CPEB4: variants seen among roughly 807,000 people sequenced by gnomAD.
CPEB4 encodes the protein cytoplasmic polyadenylation element-binding protein 4.
CPEB4 carries 12 observed loss-of-function variants against 72.5 expected under a neutral mutation model. The observed-to-expected ratio is 0.17, with a 90% CI of 0.11 to 0.27. CPEB4 has a LOEUF of 0.27. CPEB4 is among the 10% of genes least tolerant of loss of function. The probability of loss-of-function intolerance (pLI) is 1.00; values close to 1 mark genes in which losing one functional copy is unlikely to be tolerated. For synonymous variants in CPEB4, 302 were observed against 326.3 expected, an observed-to-expected ratio of 0.93 and a Z score of 0.80; for missense variants, 614 against 908.5, an observed-to-expected ratio of 0.68 and a Z score of 4.17.
chr5:173,906,274 G>A (rs1756432821), intron 1 of CPEB4, among the ~76,000 whole-genome samples: 1 of 152,198 alleles, frequency 6.6e-6, no homozygotes, highest in South Asian at 2.1e-4. Context: ...TTGTTTATCT[G>A]TGTCCCCTTT....
At chr5:173,932,523 T>C in intron 3 of CPEB4, 23 bp downstream of exon 3, 2 of 1,589,832 alleles carry the variant, frequency 1.3e-6, no homozygotes, top group Non-Finnish European at 8.6e-7. Flanking sequence ...TGATTTACCC[T>C]AGTGAAGTGC....
intron 3 of CPEB4, 96 bp from the exon 4 acceptor site, chr5:173,942,929 CA>C: frequency 1.6e-6 from 2 of 1,271,242 alleles, no homozygotes; most frequent in Non-Finnish European, 2.2e-6. Context: ...TTTCCATTTT[CA>C]AAAGCTGGTA....
At position 173,942,937 on chromosome 5, in the gene CPEB4, G is replaced by C. The variant is rs1581162012; in HGVS notation, c.1259-89G>C. ...CACAGTTTTTCCATTTTCAAAAGCT[G>C]GTAGATGAAATCACAGTTGATTCTT... On this transcript the variant is annotated intron_variant, in intron 3 of 9. Coordinates refer to ENST00000265085, the MANE Select transcript of CPEB4 (RefSeq NM_030627.4). The C allele has an allele frequency of 3.4e-5, 44 of 1,301,386 alleles. No individual in the cohort carries two copies. The East Asian group carries it at 1.1e-3, about 32-fold the overall frequency. The allele number at this position is 1,301,386 out of a possible 1,614,324, so 80.6% of individuals were successfully genotyped here. A position where few individuals can be genotyped will look rare whatever the true frequency, so the allele number is the denominator to read the frequency against.
At position 173,957,841 on chromosome 5, in the gene CPEB4, T is replaced by G. The variant is rs1758427654; in HGVS notation, c.*1704T>G. The G allele has an allele frequency of 6.5e-6, 1 of 152,786 alleles. No homozygotes were observed. The highest frequency in any genetic ancestry group is 1.5e-5 in the Non-Finnish European group (1 of 68,042). The allele number at this position is 152,786 out of a possible 1,614,324, so 9.5% of individuals were successfully genotyped here. ...AGGAAAAGCAGCCCTTTACTTTTAA[T>G]ACAGGCTTTAATGAACTATACCTGT... On this transcript the variant is annotated 3_prime_UTR_variant, in exon 10 of 10. Transcript: ENST00000265085.
intron 2 of CPEB4, among the ~76,000 whole-genome samples, chr5:173,929,810 A>AT (rs1757375932): frequency 1.3e-5 from 2 of 152,200 alleles, no homozygotes; most frequent in African/African-American, 4.8e-5. Flanking sequence ...AATAATTAGA[A>AT]TATCTTCTTG....
At position 173,888,863 on chromosome 5, in the gene CPEB4, C is replaced by A. The variant is rs359466; in HGVS notation, c.-871C>A. ...CACCCCCAGGCCGCCCGCTCACCCTCGTCGAGTCTCGCTAATCCCTCCTGA... is the reference window on the plus strand; with the variant it reads ...CACCCCCAGGCCGCCCGCTCACCCTAGTCGAGTCTCGCTAATCCCTCCTGA... On this transcript the variant is annotated 5_prime_UTR_variant, in exon 1 of 10. Transcript: ENST00000265085. This position sits in a 1 kb window ranked among gnomAD's most constrained non-coding sequence, Gnocchi z 4.3. 1 of 258,528 alleles carries A rather than the reference C, an allele frequency of 3.9e-6. No homozygotes were observed. Among genetic ancestry groups the A allele is most frequent in the Non-Finnish European group, 7.3e-6 (1 of 137,696 alleles). 16.0% of individuals were successfully genotyped at this position (258,528 alleles called of 1,614,324 possible). A position where few individuals can be genotyped will look rare whatever the true frequency, so the allele number is the denominator to read the frequency against.
intron 2 of CPEB4, among the ~76,000 whole-genome samples, chr5:173,932,198 C>T (rs925124956): frequency 6.6e-6 from 1 of 152,140 alleles, no homozygotes; most frequent in Non-Finnish European, 1.5e-5. Flanking sequence ...GTTGCTATTA[C>T]ATAATGGTAT....
At chr5:173,897,944 A>T (rs1287462473) in intron 1 of CPEB4, among the ~76,000 whole-genome samples, 1 of 152,218 alleles carries the variant, frequency 6.6e-6, no homozygotes, top group Non-Finnish European at 1.5e-5. Flanking sequence ...GGATAGCAGA[A>T]TTCTGGTCCT....
intron 3 of CPEB4, among the ~76,000 whole-genome samples, chr5:173,933,861 TA>T (rs1257853138): frequency 6.6e-6 from 1 of 152,080 alleles, no homozygotes; most frequent in Non-Finnish European, 1.5e-5. Context: ...TCGAGAAAAA[TA>T]AACTCTCTCT....
intron 1 of CPEB4, among the ~76,000 whole-genome samples, chr5:173,898,562 ATTG>A (rs1447782469): frequency 3.3e-5 from 5 of 152,230 alleles, no homozygotes; most frequent in Non-Finnish European, 5.9e-5. Context: ...AGAAGATTCT[ATTG>A]TTTTAAGAAA....
intron 1 of CPEB4, among the ~76,000 whole-genome samples, chr5:173,899,548 T>G (rs1040903733): frequency 1.1e-4 from 16 of 152,210 alleles, no homozygotes; most frequent in African/African-American, 3.9e-4. Flanking sequence ...AGAGATCCAG[T>G]TAAAGCACCC....
At chr5:173,933,656 A>T (rs1443672495) in intron 3 of CPEB4, among the ~76,000 whole-genome samples, 1 of 152,228 alleles carries the variant, frequency 6.6e-6, no homozygotes, top group Non-Finnish European at 1.5e-5. Context: ...ATATATATAT[A>T]CATGCAGAAG....
chr5:173,946,952 C>T (rs1205851048), intron 5 of CPEB4, among the ~76,000 whole-genome samples: 1 of 151,956 alleles, frequency 6.6e-6, no homozygotes, highest in Non-Finnish European at 1.5e-5. Context: ...CGCATGTTAA[C>T]CTTTTTCCCC....
At position 173,957,329 on chromosome 5, in the gene CPEB4, G is replaced by A. The variant is rs927096261; in HGVS notation, c.*1192G>A. ...GAAAATGAAAAAACAGTTAAAAAAA[G>A]TGAAGTAGTTGCAAAGTGTTTTGCA... On this transcript the variant is annotated 3_prime_UTR_variant, in exon 10 of 10. Coordinates refer to ENST00000265085, the MANE Select transcript of CPEB4 (RefSeq NM_030627.4). 1.3e-5 allele frequency: 2 copies of A among 152,764 alleles called. No homozygotes were observed. Among genetic ancestry groups the A allele is most frequent in the Non-Finnish European group, 2.9e-5 (2 of 68,026 alleles). 9.5% of individuals were successfully genotyped at this position (152,764 alleles called of 1,614,324 possible).
intron 3 of CPEB4, among the ~76,000 whole-genome samples, chr5:173,941,612 G>A (rs1194479658): frequency 6.6e-6 from 1 of 151,970 alleles, no homozygotes. Context: ...CCTATCCCAG[G>A]CTGTAACCCT....
intron 3 of CPEB4, among the ~76,000 whole-genome samples, chr5:173,936,828 T>C (rs966737897): frequency 1.3e-5 from 2 of 151,866 alleles, no homozygotes; most frequent in East Asian, 1.9e-4. Flanking sequence ...TTTTTTTTTT[T>C]TCTCTAACCT....
intron 2 of CPEB4, among the ~76,000 whole-genome samples, chr5:173,919,143 CTA>C (rs1485923071): frequency 5.9e-5 from 9 of 152,016 alleles, no homozygotes; most frequent in South Asian, 4.1e-4. Flanking sequence ...AGGGATTTAA[CTA>C]TGTGTGGTAG....
intron 3 of CPEB4, among the ~76,000 whole-genome samples, chr5:173,934,432 G>A (rs1757550300): frequency 6.6e-6 from 1 of 152,092 alleles, no homozygotes; most frequent in South Asian, 2.1e-4. Flanking sequence ...GGTTAACATT[G>A]CCTCAAACTG....
intron 2 of CPEB4, among the ~76,000 whole-genome samples, chr5:173,911,523 A>T (rs556707058): frequency 6.6e-6 from 1 of 152,004 alleles, no homozygotes; most frequent in East Asian, 1.9e-4. Context: ...CGGCCTCCCA[A>T]AGTTATTTTT....
Sources: allele counts gnomAD v4.1 joint callset (sites outside exome capture counted in the v4.1 genomes callset), GRCh38; gene constraint gnomAD v4.1.1; non-coding constraint Gnocchi (gnomAD v3.1); transcripts MANE v1.5; gene names NCBI Gene and HGNC (gene_info 2026-07-23, HGNC 2026-07-21).